Variants in DOK6 observed in about 807,000 individuals in gnomAD.
DOK6 encodes the protein downstream of tyrosine kinase 6.
DOK6 carries 22 observed loss-of-function variants against 44.0 expected under a neutral mutation model. The ratio of observed to expected loss-of-function variants is 0.50; its 90% CI spans 0.36 to 0.71. The LOEUF is 0.71. DOK6 is among the 30% of genes least tolerant of loss of function. DOK6 has a pLI of 0.00. For missense variants in DOK6, 340 were observed against 416.4 expected, an observed-to-expected ratio of 0.82 and a Z score of 1.60; for synonymous variants, 166 against 145.5, an observed-to-expected ratio of 1.14 and a Z score of -1.01.
chr18:69,812,215 T>C (rs1251060348), intron 7 of DOK6, among the ~76,000 whole-genome samples: 1 of 152,116 alleles, frequency 6.6e-6, no homozygotes, highest in Non-Finnish European at 1.5e-5. Flanking sequence ...AATTTCATGT[T>C]TGTTGTTCCA....
intron 6 of DOK6, among the ~76,000 whole-genome samples, chr18:69,741,507 T>C (rs1978797491): frequency 6.6e-6 from 1 of 152,128 alleles, no homozygotes; most frequent in South Asian, 2.1e-4. Flanking sequence ...TTTGTTGCTG[T>C]TGTTTTTTGA....
intron 2 of DOK6, among the ~76,000 whole-genome samples, chr18:69,582,304 A>G (rs561443610): frequency 6.6e-6 from 1 of 152,340 alleles, no homozygotes; most frequent in East Asian, 1.9e-4. Flanking sequence ...AGCTATACAA[A>G]TTTCTAGCTG....
At chr18:69,498,236 AT>A (rs1980949219) in intron 1 of DOK6, among the ~76,000 whole-genome samples, 2 of 152,170 alleles carry the variant, frequency 1.3e-5, no homozygotes, top group African/African-American at 4.8e-5. Context: ...ATAAAATAAA[AT>A]TTTAATTTTT....
At chr18:69,447,452 CT>C (rs537339227) in intron 1 of DOK6, among the ~76,000 whole-genome samples, 11 of 152,164 alleles carry the variant, frequency 7.2e-5, no homozygotes, top group Non-Finnish European at 1.5e-4. Context: ...GTTTTGGTTA[CT>C]GTAGCCTTGT....
intron 5 of DOK6, among the ~76,000 whole-genome samples, 200 bp downstream of exon 5, chr18:69,698,793 AC>A (rs1255450669): frequency 6.6e-6 from 1 of 152,132 alleles, no homozygotes; most frequent in Admixed American, 6.5e-5. Context: ...CAGGCTAATT[AC>A]CCCATTCAAA....
intron 7 of DOK6, among the ~76,000 whole-genome samples, chr18:69,800,701 A>G (rs11151539): frequency 0.19 from 29,198 of 152,120 alleles, 2,986 homozygotes; most frequent in East Asian, 0.28. Flanking sequence ...TTCATATCAC[A>G]TGCCCTTATT....
Position 69,828,884 on chromosome 18 carries a change from G to GTATATATATATATATATATA in DOK6, c.857-12344_857-12343insTATATATATATATATATATA, listed in dbSNP as rs74175393. On this transcript the variant is annotated intron_variant, in intron 7 of 7. Coordinates refer to ENST00000382713, the MANE Select transcript of DOK6 (RefSeq NM_152721.6). Reference sequence around the variant, plus strand: ...ATTATTAATAGCAATACATTTATGTGTATATATATATATATAGTATGTATG... The same window carrying GTATATATATATATATATATA: ...ATTATTAATAGCAATACATTTATGTGTATATATATATATATATATATATATATATATATATAGTATGTATG... 1.8e-3 allele frequency among the ~76,000 whole-genome samples: 162 copies of GTATATATATATATATATATA among 90,182 alleles called. 14 individuals are homozygous for GTATATATATATATATATATA. The highest frequency in any genetic ancestry group is 5.3e-3 in the East Asian group (13 of 2,462). 59.2% of individuals were successfully genotyped at this position (90,182 alleles called of 152,430 possible). A position where few individuals can be genotyped will look rare whatever the true frequency, so the allele number is the denominator to read the frequency against.
At chr18:69,519,404 A>G (rs958606529) in intron 1 of DOK6, among the ~76,000 whole-genome samples, 1 of 152,034 alleles carries the variant, frequency 6.6e-6, no homozygotes, top group African/African-American at 2.4e-5. Flanking sequence ...AGTCAGATAC[A>G]AGAATGTTCA....
chr18:69,549,121 A>G lies in DOK6; in HGVS notation c.67-15366A>G, dbSNP rs952197737. Among the ~76,000 whole-genome samples the G allele has an allele frequency of 2.6e-5, 4 of 151,060 alleles. 1 individual carries two copies. The highest frequency in any genetic ancestry group is 5.9e-5 in the Non-Finnish European group (4 of 67,610). On this transcript the variant is annotated intron_variant, in intron 1 of 7. Transcript: ENST00000382713. ...AAAAAAAAAAAAACAACAACAAAAA[A>G]TTTCTACCTTAACGTGCCTTAAGTT...
chr18:69,575,150 A>G (rs1983209794), intron 2 of DOK6, among the ~76,000 whole-genome samples: 1 of 152,092 alleles, frequency 6.6e-6, no homozygotes, highest in Non-Finnish European at 1.5e-5. Context: ...GACTGTGTAT[A>G]GGGGAAATGG....
intron 3 of DOK6, among the ~76,000 whole-genome samples, chr18:69,603,543 G>A (rs980247427): frequency 1.4e-4 from 22 of 152,132 alleles, no homozygotes; most frequent in Non-Finnish European, 2.8e-4. Flanking sequence ...AGGCCGAGGC[G>A]GGTGGATCAC....
intron 3 of DOK6, chr18:69,662,730 C>T (rs938231035): frequency 1.3e-5 from 2 of 152,162 alleles, no homozygotes; most frequent in African/African-American, 4.8e-5. Context: ...AGATTAATTT[C>T]TTGTGCCATG....
At chr18:69,806,192 T>G (rs865818881) in intron 7 of DOK6, among the ~76,000 whole-genome samples, 1 of 151,982 alleles carries the variant, frequency 6.6e-6, no homozygotes, top group African/African-American at 2.4e-5. Flanking sequence ...ATAATTAGTA[T>G]AATAAATGAT....
chr18:69,568,880 C>T (rs1366660788), intron 2 of DOK6, among the ~76,000 whole-genome samples: 2 of 151,648 alleles, frequency 1.3e-5, no homozygotes, highest in Non-Finnish European at 2.9e-5. Context: ...TCCCATCACC[C>T]CCAGATGGGA....
chr18:69,440,848 C>T (rs754238597), intron 1 of DOK6, among the ~76,000 whole-genome samples: 1 of 151,826 alleles, frequency 6.6e-6, no homozygotes, highest in African/African-American at 2.4e-5. Context: ...GAACTGTGAT[C>T]CTGGGAGAGA....
At chr18:69,830,136 A>G (rs1981860176) in intron 7 of DOK6, among the ~76,000 whole-genome samples, 1 of 152,178 alleles carries the variant, frequency 6.6e-6, no homozygotes. Context: ...AACCCACTAA[A>G]TTATGTACAT....
chr18:69,642,109 A>G (rs1271653103), intron 3 of DOK6, among the ~76,000 whole-genome samples: 1 of 152,196 alleles, frequency 6.6e-6, no homozygotes, highest in Non-Finnish European at 1.5e-5. Flanking sequence ...TTTCCTCTCC[A>G]TGTCTCTGTC....
intron 1 of DOK6, among the ~76,000 whole-genome samples, chr18:69,417,049 C>T (rs551372329): frequency 6.6e-6 from 1 of 151,990 alleles, no homozygotes; most frequent in Non-Finnish European, 1.5e-5. Context: ...TATTCATCAC[C>T]TCAAACAGTT....
intron 3 of DOK6, among the ~76,000 whole-genome samples, chr18:69,623,132 C>A (rs534952960): frequency 6.6e-6 from 1 of 152,240 alleles, no homozygotes; most frequent in African/African-American, 2.4e-5. Context: ...GGCCTTACCC[C>A]TTTGCTCTGT....
Sources: allele counts gnomAD v4.1 joint callset (sites outside exome capture counted in the v4.1 genomes callset), GRCh38; gene constraint gnomAD v4.1.1; transcripts MANE v1.5; gene names NCBI Gene and HGNC (gene_info 2026-07-23, HGNC 2026-07-21).